TOP1: variants seen among roughly 807,000 people sequenced by gnomAD.
TOP1 encodes DNA topoisomerase 1.
Under a neutral mutation model 111.1 loss-of-function variants are expected in TOP1, and 10 were observed. The ratio of observed to expected loss-of-function variants is 0.09; its 90% CI spans 0.06 to 0.15. The LOEUF is 0.15. TOP1 is among the 10% of genes least tolerant of loss of function. The pLI, the probability that TOP1 is intolerant of heterozygous loss-of-function variation, is 1.00. For missense variants in TOP1, 474 were observed against 926.7 expected (o/e 0.51, Z 6.34); for synonymous variants, 271 against 302.9 (o/e 0.89, Z 1.10).
rs774571525 is a variant in TOP1, at chr20:41,069,641, GTGA to G, written c.156-6522_156-6520del. ...ATACTAAATAATTGAGATAATGATG[GTGA>G]TGATGATAATTACCGCAAAGCCTAG... On this transcript the variant is annotated intron_variant, in intron 3 of 20. Coordinates refer to ENST00000361337, the MANE Select transcript of TOP1 (RefSeq NM_003286.4). The surrounding 1 kb of genome is among the most constrained non-coding windows in gnomAD (Gnocchi z 4.1). Among the ~76,000 whole-genome samples the G allele has an allele frequency of 3.9e-5, 6 of 152,160 alleles. No individual in the cohort carries two copies. Among genetic ancestry groups the G allele is most frequent in the Admixed American group, 1.3e-4 (2 of 15,278 alleles).
intron 3 of TOP1, among the ~76,000 whole-genome samples, chr20:41,070,993 T>C (rs2033662941): frequency 6.6e-6 from 1 of 152,238 alleles, no homozygotes; most frequent in Admixed American, 6.5e-5. Context: ...TGTGCTTAGA[T>C]GAGTGCTTGG....
chr20:41,103,127 A>C (rs1452682263), intron 13 of TOP1, among the ~76,000 whole-genome samples: 3 of 152,212 alleles, frequency 2.0e-5, no homozygotes, highest in Non-Finnish European at 4.4e-5. Context: ...AAATGGTATC[A>C]ATGCATATTT....
chr20:41,031,320 C>A (rs2033116885), intron 2 of TOP1, among the ~76,000 whole-genome samples: 1 of 152,138 alleles, frequency 6.6e-6, no homozygotes, highest in Non-Finnish European at 1.5e-5. Flanking sequence ...AAGGTGGGAT[C>A]TTTAATATGG....
chr20:41,051,709 T>G (rs2033407884), intron 2 of TOP1, among the ~76,000 whole-genome samples: 1 of 152,092 alleles, frequency 6.6e-6, no homozygotes, highest in Non-Finnish European at 1.5e-5. Flanking sequence ...TCATAAGTGC[T>G]TTTCTTTCCT....
Position 41,122,255 on chromosome 20 carries a change from A to G in TOP1, c.2195+100A>G. The G allele has an allele frequency of 2.4e-6, 3 of 1,265,878 alleles. 1 individual carries two copies. In the South Asian group the frequency reaches 4.1e-5, roughly 17 times the overall value. 78.4% of individuals were successfully genotyped at this position (1,265,878 alleles called of 1,614,324 possible). On this transcript the variant is annotated intron_variant, in intron 20 of 20. Coordinates refer to ENST00000361337, the MANE Select transcript of TOP1 (RefSeq NM_003286.4). The surrounding 1 kb of genome is among the most constrained non-coding windows in gnomAD (Gnocchi z 5.4). ...CCTTCACATGCCATTCCTAAGCTAC[A>G]CACTTTAGTCCTCTGGGGAAACTTC...
At chr20:41,096,265 G>A (rs1391715988) in intron 9 of TOP1, among the ~76,000 whole-genome samples, 2 of 152,062 alleles carry the variant, frequency 1.3e-5, no homozygotes, top group Non-Finnish European at 2.9e-5. Flanking sequence ...ATGGGTTTTC[G>A]CCATGTTGGC....
chr20:41,063,322 T>C (rs1465224899), intron 3 of TOP1, among the ~76,000 whole-genome samples: 1 of 152,250 alleles, frequency 6.6e-6, no homozygotes, highest in African/African-American at 2.4e-5. Flanking sequence ...TACAACATTT[T>C]CTTTATCCAA....
chr20:41,073,619 GA>G (rs2033692808), intron 3 of TOP1, among the ~76,000 whole-genome samples: 1 of 152,144 alleles, frequency 6.6e-6, no homozygotes, highest in Non-Finnish European at 1.5e-5. Flanking sequence ...AGGCTGCTCT[GA>G]ACTTGGAGGT....
chr20:41,043,561 C>G (rs1348984059), intron 2 of TOP1, among the ~76,000 whole-genome samples: 1 of 152,148 alleles, frequency 6.6e-6, no homozygotes, highest in Non-Finnish European at 1.5e-5. Context: ...CATTTCAAGC[C>G]CTGTCAATGA....
At chr20:41,044,284 GAAAA>G (rs1223997809) in intron 2 of TOP1, among the ~76,000 whole-genome samples, 1 of 151,902 alleles carries the variant, frequency 6.6e-6, no homozygotes, top group African/African-American at 2.4e-5. Flanking sequence ...TCAAAAAAAA[GAAAA>G]AAAGAAATGC....
chr20:41,093,591 C>T (rs2033946352), intron 9 of TOP1, among the ~76,000 whole-genome samples: 1 of 152,152 alleles, frequency 6.6e-6, no homozygotes, highest in Admixed American at 6.5e-5. Flanking sequence ...CCACCCTCAG[C>T]CCCCCACTGT....
chr20:41,064,626 T>C (rs1365305092), intron 3 of TOP1, among the ~76,000 whole-genome samples: 1 of 152,202 alleles, frequency 6.6e-6, no homozygotes, highest in African/African-American at 2.4e-5. Context: ...TTAAACATGC[T>C]GTTGGTTCTG....
At position 41,122,519 on chromosome 20, in the gene TOP1, A is replaced by G. The variant is rs993931435; in HGVS notation, c.2195+364A>G. The stretch of plus-strand genomic sequence containing the variant: ...ACACTTCAACAAAACTTTTCGTTGA[A>G]TTTTTTTGCAGTTGAAGGTAGGAAC... On this transcript the variant is annotated intron_variant, in intron 20 of 20. Coordinates refer to ENST00000361337, the MANE Select transcript of TOP1 (RefSeq NM_003286.4). The surrounding 1 kb of genome is among the most constrained non-coding windows in gnomAD (Gnocchi z 5.4). Among the ~76,000 whole-genome samples, 1 of 152,178 alleles carries G rather than the reference A, an allele frequency of 6.6e-6. No homozygotes were observed. Among genetic ancestry groups the G allele is most frequent in the East Asian group, 1.9e-4 (1 of 5,204 alleles).
intron 8 of TOP1, among the ~76,000 whole-genome samples, chr20:41,089,264 G>A (rs993345591): frequency 6.6e-6 from 1 of 152,082 alleles, no homozygotes; most frequent in Non-Finnish European, 1.5e-5. Context: ...GACCTCAGAT[G>A]ATCTGCCCGC....
At chr20:41,081,143 G>A in intron 6 of TOP1, 22 bp from the exon 7 acceptor site, 3 of 1,582,020 alleles carry the variant, frequency 1.9e-6, no homozygotes, top group South Asian at 2.3e-5. Context: ...TGTTAACTGT[G>A]TATTCATGTT....
chr20:41,064,406 C>A (rs1054567889), intron 3 of TOP1, among the ~76,000 whole-genome samples: 1 of 152,206 alleles, frequency 6.6e-6, no homozygotes, highest in African/African-American at 2.4e-5. Flanking sequence ...CTTAAACCAT[C>A]TTCTTTGGCT....
Position 41,098,079 on chromosome 20 carries a change from T to C in TOP1, c.853-136T>C. ...CTGTATTTTTTTGTTTTTTCAAAAT[T>C]CATTAATTGAGATTGGCTACTTCCA... is the stretch of plus-strand genomic sequence containing the variant. On this transcript the variant is annotated intron_variant, in intron 10 of 20. Coordinates refer to ENST00000361337, the MANE Select transcript of TOP1 (RefSeq NM_003286.4). This position sits in a 1 kb window ranked among gnomAD's most constrained non-coding sequence, Gnocchi z 5.7. 4.9e-6 allele frequency: 4 copies of C among 809,734 alleles called. No homozygotes were observed. In the South Asian group the frequency reaches 6.7e-5, roughly 13 times the overall value. The allele number at this position is 809,734 out of a possible 1,614,324, so 50.2% of individuals were successfully genotyped here.
At position 41,109,108 on chromosome 20, in the gene TOP1, TG is replaced by T. The variant is rs2034193911; in HGVS notation, c.1309-3670del. 6.6e-6 allele frequency among the ~76,000 whole-genome samples: 1 copy of T among 152,220 alleles called. No individual in the cohort carries two copies. The highest frequency in any genetic ancestry group is 1.5e-5 in the Non-Finnish European group (1 of 68,040). ...TTTCTCTTTAGAGTCTAGAATTCTG[TG>T]GGGTTCCAAAAATGTATGTGCTTAC... is the stretch of plus-strand genomic sequence containing the variant. On this transcript the variant is annotated intron_variant, in intron 13 of 20. Coordinates refer to ENST00000361337, the MANE Select transcript of TOP1 (RefSeq NM_003286.4). The surrounding 1 kb of genome is among the most constrained non-coding windows in gnomAD (Gnocchi z 4.1).
chr20:41,092,613 C>A lies in TOP1; in HGVS notation c.730+26C>A. 8.4e-7 allele frequency: 1 copy of A among 1,186,014 alleles called. No homozygotes were observed. Among genetic ancestry groups the A allele is most frequent in the Non-Finnish European group, 1.2e-6 (1 of 821,062 alleles). The allele number at this position is 1,186,014 out of a possible 1,614,324, so 73.5% of individuals were successfully genotyped here. A position where few individuals can be genotyped will look rare whatever the true frequency, so the allele number is the denominator to read the frequency against. On this transcript the variant is annotated intron_variant, in intron 9 of 20. Transcript: ENST00000361337. This position sits in a 1 kb window ranked among gnomAD's most constrained non-coding sequence, Gnocchi z 4.3. The stretch of plus-strand genomic sequence containing the variant: ...GTGAGTTGTTTCAAGGTTCTTGATT[C>A]TTGGCCAGGAAAAGAAATCTGCTTC...
Sources: allele counts gnomAD v4.1 joint callset (sites outside exome capture counted in the v4.1 genomes callset), GRCh38; gene constraint gnomAD v4.1.1; non-coding constraint Gnocchi (gnomAD v3.1); transcripts MANE v1.5; gene names NCBI Gene and HGNC (gene_info 2026-07-23, HGNC 2026-07-21).